GRM5: variants seen among roughly 807,000 people sequenced by gnomAD.
GRM5 encodes glutamate metabotropic receptor 5.
Under a neutral mutation model 83.1 loss-of-function variants are expected in GRM5, and 19 were observed. The observed-to-expected ratio is 0.23, with a 90% confidence interval of 0.16 to 0.34. The LOEUF is 0.34. GRM5 is among the 10% of genes least tolerant of loss of function. The pLI is 1.00. For synonymous variants in GRM5, 675 were observed against 633.6 expected (o/e 1.07, Z -0.98); for missense variants, 1,160 against 1,588.3 (o/e 0.73, Z 4.58).
chr11:88,775,869 C>A (rs562012642), intron 3 of GRM5, among the ~76,000 whole-genome samples: 1 of 151,556 alleles, frequency 6.6e-6, no homozygotes, highest in Non-Finnish European at 1.5e-5. Context: ...ATTATGTGGT[C>A]AATCTTAGAA....
intron 2 of GRM5, chr11:88,925,892 G>A: frequency 3.2e-6 from 1 of 316,828 alleles, no homozygotes; most frequent in Non-Finnish European, 6.3e-6. Context: ...CTGGGTGACA[G>A]AGCAACACTC....
rs1944827305 is a variant in GRM5 at position 88,875,037 on chromosome 11, G to A, written c.662-24882C>T. On this transcript the variant is annotated intron_variant, in intron 2 of 9. Transcript: ENST00000305447. ...GGCTGCTGAATGTTTGGGTGGCTGT[G>A]GCAATTTCTTAAAATAACAATGAAG... is the stretch of plus-strand genomic sequence containing the variant. 4.6e-5 allele frequency among the ~76,000 whole-genome samples: 7 copies of A among 150,586 alleles called. No homozygotes were observed. In the South Asian group the frequency reaches 1.5e-3, roughly 32 times the overall value.
At chr11:89,031,991 C>T (rs1466186970) in intron 2 of GRM5, among the ~76,000 whole-genome samples, 2 of 151,876 alleles carry the variant, frequency 1.3e-5, no homozygotes, top group South Asian at 2.1e-4. Context: ...TTATTGACTG[C>T]CTATTATATA....
intron 3 of GRM5, among the ~76,000 whole-genome samples, chr11:88,674,167 G>T (rs552189840): frequency 2.0e-5 from 3 of 151,774 alleles, no homozygotes; most frequent in Non-Finnish European, 4.4e-5. Flanking sequence ...CATTTGAGAT[G>T]GTTGACTACT....
chr11:88,674,362 T>G (rs1940269642), intron 3 of GRM5, among the ~76,000 whole-genome samples: 1 of 151,966 alleles, frequency 6.6e-6, no homozygotes, highest in Non-Finnish European at 1.5e-5. Flanking sequence ...GTTTCCCTTT[T>G]GGATTTTATC....
intron 3 of GRM5, among the ~76,000 whole-genome samples, chr11:88,766,083 A>T (rs933543835): frequency 1.3e-5 from 2 of 151,976 alleles, no homozygotes; most frequent in African/African-American, 4.8e-5. Context: ...ACATGAAAAG[A>T]TGCTCATGGA....
At chr11:88,861,184 T>C (rs1314658247) in intron 2 of GRM5, among the ~76,000 whole-genome samples, 1 of 152,128 alleles carries the variant, frequency 6.6e-6, no homozygotes, top group Non-Finnish European at 1.5e-5. Context: ...CATTTCAGGG[T>C]AGAATTCAAA....
chr11:88,563,798 G>A (rs559485193), intron 8 of GRM5, among the ~76,000 whole-genome samples: 5 of 152,280 alleles, frequency 3.3e-5, no homozygotes, highest in East Asian at 1.9e-4. Context: ...GCTGAAGTGC[G>A]GTGAACCATG....
chr11:88,836,512 A>C (rs550662898), intron 3 of GRM5, among the ~76,000 whole-genome samples: 2 of 152,324 alleles, frequency 1.3e-5, no homozygotes, highest in East Asian at 3.9e-4. Context: ...AATCTTCTAG[A>C]AAACAGGCCA....
At chr11:88,790,990 AG>A (rs1943163085) in intron 3 of GRM5, among the ~76,000 whole-genome samples, 1 of 152,248 alleles carries the variant, frequency 6.6e-6, no homozygotes, top group African/African-American at 2.4e-5. Flanking sequence ...TTGCAAGCAC[AG>A]GAGAGGAAAT....
At chr11:88,928,464 GTA>G (rs61573444) in intron 2 of GRM5, among the ~76,000 whole-genome samples, 2,827 of 115,736 alleles carry the variant, frequency 0.024, 30 homozygotes, top group Middle Eastern at 0.066. Flanking sequence ...GTGTGTGTGT[GTA>G]TATATATATA....
chr11:88,562,470 C>T (rs2135163872), intron 8 of GRM5, among the ~76,000 whole-genome samples: 1 of 152,118 alleles, frequency 6.6e-6, no homozygotes, highest in Non-Finnish European at 1.5e-5. Flanking sequence ...CTTCAACTTG[C>T]AGTATTTTAT....
chr11:88,568,873 C>T (rs960634633), intron 7 of GRM5, among the ~76,000 whole-genome samples: 2 of 151,964 alleles, frequency 1.3e-5, no homozygotes. Context: ...GAAAACTGAC[C>T]CCAAAGGCAA....
At chr11:88,571,348 G>T (rs925630635) in intron 7 of GRM5, among the ~76,000 whole-genome samples, 3 of 152,124 alleles carry the variant, frequency 2.0e-5, no homozygotes, top group African/African-American at 4.8e-5. Context: ...TATATTAAAT[G>T]AATGCTTCTT....
intron 2 of GRM5, among the ~76,000 whole-genome samples, chr11:89,006,919 T>A (rs1442430252): frequency 6.6e-6 from 1 of 152,176 alleles, no homozygotes; most frequent in African/African-American, 2.4e-5. Context: ...TGCCCAAGCC[T>A]CCTGAGTAGC....
intron 3 of GRM5, among the ~76,000 whole-genome samples, chr11:88,716,667 T>A (rs146382130): frequency 1.8e-4 from 28 of 152,096 alleles, no homozygotes; most frequent in African/African-American, 6.7e-4. Context: ...GCTTGCATGT[T>A]AAACCATTTA....
At chr11:88,698,233 C>T (rs937485768) in intron 3 of GRM5, among the ~76,000 whole-genome samples, 3 of 152,138 alleles carry the variant, frequency 2.0e-5, no homozygotes, top group African/African-American at 7.2e-5. Flanking sequence ...TATGGTCGGG[C>T]CCTGCTTGTC....
intron 4 of GRM5, among the ~76,000 whole-genome samples, chr11:88,622,066 T>C (rs1475696648): frequency 1.4e-5 from 2 of 142,544 alleles, no homozygotes; most frequent in Admixed American, 7.3e-5. Flanking sequence ...TTGTAGGACA[T>C]AGATATTCCT....
At chr11:88,754,546 A>G (rs999035280) in intron 3 of GRM5, among the ~76,000 whole-genome samples, 5 of 152,194 alleles carry the variant, frequency 3.3e-5, no homozygotes, top group African/African-American at 9.6e-5. Context: ...AAGGGAACCA[A>G]TACTCAAAGG....
Sources: allele counts gnomAD v4.1 joint callset (sites outside exome capture counted in the v4.1 genomes callset), GRCh38; gene constraint gnomAD v4.1.1; transcripts MANE v1.5; gene names NCBI Gene and HGNC (gene_info 2026-07-23, HGNC 2026-07-21).